Variants in GRID2IP observed in about 807,000 individuals in gnomAD.
GRID2IP encodes delphilin.
Under a neutral mutation model 114.3 loss-of-function variants are expected in GRID2IP, and 78 were observed. The observed-to-expected ratio is 0.68, with a 90% CI of 0.57 to 0.82. The LOEUF (loss-of-function observed/expected upper bound fraction) is 0.82. Among genes scored for constraint, GRID2IP ranks in the 40% least tolerant of loss-of-function variants. GRID2IP has a pLI of 0.00. For missense variants in GRID2IP, 1,727 were observed against 1,678.5 expected (o/e 1.03, Z -0.51); for synonymous variants, 809 against 724.0 (o/e 1.12, Z -1.89).
In GRID2IP at chr7:6,508,820, C is replaced by T; in HGVS notation, c.2127+138G>A. 7.4e-7 allele frequency: 1 copy of T among 1,348,834 alleles called. No homozygotes were observed. The highest frequency in any genetic ancestry group is 1.5e-5 in the South Asian group (1 of 66,668). 83.6% of individuals were successfully genotyped at this position (1,348,834 alleles called of 1,614,324 possible). On this transcript the variant is annotated intron_variant, in intron 12 of 21. Transcript: ENST00000457091. This position sits in a 1 kb window ranked among gnomAD's most constrained non-coding sequence, Gnocchi z 5.6. ...TAACCTGGGGCAAGGGGTGGGATAG[C>T]TTGAGCTAGGGAGTGGGATAGCCTG...
intron 7 of GRID2IP, among the ~76,000 whole-genome samples, chr7:6,517,220 A>ATT (rs370575922): frequency 6.8e-6 from 1 of 146,916 alleles, no homozygotes; most frequent in African/African-American, 2.5e-5. Flanking sequence ...ACGCCCGGCT[A>ATT]TTTTTTTTTT....
intron 7 of GRID2IP, among the ~76,000 whole-genome samples, chr7:6,517,718 C>T (rs758924598): frequency 6.6e-6 from 1 of 151,682 alleles, no homozygotes; most frequent in Non-Finnish European, 1.5e-5. Context: ...GCCTGGCCAA[C>T]ATGGTGAAAC....
In GRID2IP at chr7:6,551,144, G is replaced by C. The variant is rs573483780; in HGVS notation, c.293C>G (p.Pro98Arg). The change falls in exon 1 of 22, where the codon CCG becomes CGG. Residue 98 changes from proline (P) to arginine (R), a missense_variant. Transcript: ENST00000457091. The part of the protein sequence containing the change: ...GPGPGSGPAA[P>R]TTVLRAPRCG... ...CCGCGGGGCCCGCAAGACTGTGGTC[G>C]GGGCCGCGGGGCCGGATCCTGGGCC... 1.4e-4 allele frequency: 185 copies of C among 1,324,978 alleles called. No homozygotes were observed. The highest frequency in any genetic ancestry group is 1.9e-4 in the African/African-American group (12 of 64,180). 82.1% of individuals were successfully genotyped at this position (1,324,978 alleles called of 1,614,324 possible). A position where few individuals can be genotyped will look rare whatever the true frequency, so the allele number is the denominator to read the frequency against.
intron 2 of GRID2IP, among the ~76,000 whole-genome samples, chr7:6,529,618 A>C (rs1779578282): frequency 6.6e-6 from 1 of 152,162 alleles, no homozygotes; most frequent in African/African-American, 2.4e-5. Flanking sequence ...CTGGCCCTCC[A>C]TGCAGCTCAG....
At chr7:6,527,525 G>A (rs1779538283) in intron 2 of GRID2IP, among the ~76,000 whole-genome samples, 1 of 152,212 alleles carries the variant, frequency 6.6e-6, no homozygotes, top group South Asian at 2.1e-4. Context: ...TACCTTGGAA[G>A]TGAGAGGCAG....
intron 2 of GRID2IP, chr7:6,537,026 C>A (rs1262114813): frequency 1.2e-5 from 2 of 162,646 alleles, no homozygotes; most frequent in South Asian, 7.7e-5. Context: ...GGGCTGAGTC[C>A]GGGAAGAGGG....
chr7:6,541,015 A>C (rs1167739747), intron 1 of GRID2IP, among the ~76,000 whole-genome samples: 1 of 151,650 alleles, frequency 6.6e-6, no homozygotes, highest in Non-Finnish European at 1.5e-5. Flanking sequence ...CTGTTTTTTT[A>C]TAATCCCTCA....
chr7:6,513,172 G>A (rs1779212193), intron 8 of GRID2IP, among the ~76,000 whole-genome samples: 2 of 152,126 alleles, frequency 1.3e-5, no homozygotes, highest in South Asian at 2.1e-4. Flanking sequence ...GGATGTGGTC[G>A]TGTGCTCATG....
At chr7:6,550,605 G>T (rs1221656612) in intron 1 of GRID2IP, among the ~76,000 whole-genome samples, 1 of 144,126 alleles carries the variant, frequency 6.9e-6, no homozygotes, top group Non-Finnish European at 1.5e-5. Flanking sequence ...GAGGTCAGGA[G>T]TTTGAGACCA....
At chr7:6,531,304 G>A (rs977648457) in intron 2 of GRID2IP, 29 of 397,142 alleles carry the variant, frequency 7.3e-5, no homozygotes, top group African/African-American at 5.2e-4. Flanking sequence ...CTGCCCTGCT[G>A]GGACCCTTTT....
At chr7:6,500,755 C>G (rs1436563670) in intron 20 of GRID2IP, among the ~76,000 whole-genome samples, 1 of 152,248 alleles carries the variant, frequency 6.6e-6, no homozygotes, top group Non-Finnish European at 1.5e-5. Flanking sequence ...ACCCTGTGTT[C>G]CCTGCCAAGG....
intron 11 of GRID2IP, among the ~76,000 whole-genome samples, 162 bp downstream of exon 11, chr7:6,510,121 T>C (rs1444998755): frequency 6.6e-6 from 1 of 152,132 alleles, no homozygotes; most frequent in African/African-American, 2.4e-5. Flanking sequence ...CGACCCACGG[T>C]ACCCAGGCTA....
chr7:6,526,893 G>T lies in GRID2IP; in HGVS notation c.585-124C>A. On this transcript the variant is annotated intron_variant, in intron 2 of 21. Transcript: ENST00000457091. The surrounding 1 kb of genome is among the most constrained non-coding windows in gnomAD (Gnocchi z 7.6). ...CTCCCACCTCTTCCTAGGAGTGGCG[G>T]AGGGCTGGGGGGATCGGGATGAGCA... 1 of 1,121,712 alleles carries T rather than the reference G, an allele frequency of 8.9e-7. No homozygotes were observed. The highest frequency in any genetic ancestry group is 1.2e-6 in the Non-Finnish European group (1 of 853,460). The allele number at this position is 1,121,712 out of a possible 1,614,324, so 69.5% of individuals were successfully genotyped here.
In GRID2IP at chr7:6,521,713, G is replaced by A. The variant is rs576309679; in HGVS notation, c.989+175C>T. 6.6e-5 allele frequency among the ~76,000 whole-genome samples: 10 copies of A among 152,308 alleles called. No individual in the cohort carries two copies. In the South Asian group the frequency reaches 1.5e-3, roughly 22 times the overall value. ...AACTGAGGTCCTGGCTAGAGTTGGC[G>A]ACTGGCGAGGAGGAGGGTTAGATTC... On this transcript the variant is annotated intron_variant, in intron 5 of 21. Coordinates refer to ENST00000457091, the MANE Select transcript of GRID2IP (RefSeq NM_001145118.2). This position sits in a 1 kb window ranked among gnomAD's most constrained non-coding sequence, Gnocchi z 4.1.
At chr7:6,530,424 T>A (rs1199936299) in intron 2 of GRID2IP, among the ~76,000 whole-genome samples, 1 of 151,802 alleles carries the variant, frequency 6.6e-6, no homozygotes. Flanking sequence ...CCACCACACC[T>A]GGCTGGCTTT....
chr7:6,503,191 C>T (rs1786466848), intron 16 of GRID2IP, 28 bp from the exon 17 acceptor site: 7 of 1,481,062 alleles, frequency 4.7e-6, no homozygotes, highest in Non-Finnish European at 6.3e-6. Flanking sequence ...CCAGGATTCA[C>T]CCATCCCCTT....
intron 7 of GRID2IP, among the ~76,000 whole-genome samples, chr7:6,514,755 C>T (rs1779260156): frequency 6.6e-6 from 1 of 151,864 alleles, no homozygotes; most frequent in Non-Finnish European, 1.5e-5. Context: ...AGTTCGAGAC[C>T]AGCCCAGCCA....
At chr7:6,547,853 G>C (rs1414750775) in intron 1 of GRID2IP, among the ~76,000 whole-genome samples, 1 of 152,120 alleles carries the variant, frequency 6.6e-6, no homozygotes, top group Non-Finnish European at 1.5e-5. Flanking sequence ...GAGTGGGTGG[G>C]GACCTGATGC....
intron 4 of GRID2IP, among the ~76,000 whole-genome samples, chr7:6,525,374 C>A (rs370166892): frequency 6.6e-6 from 1 of 151,980 alleles, no homozygotes; most frequent in Admixed American, 6.6e-5. Flanking sequence ...GTACTCCCAG[C>A]GCTTTGGGAG....
Sources: gnomAD v4.1 joint callset for allele counts (sites outside exome capture counted in the v4.1 genomes callset) on GRCh38, gnomAD v4.1.1 for gene constraint, Gnocchi (gnomAD v3.1) non-coding constraint, MANE v1.5 for transcripts, NCBI Gene and HGNC (gene_info 2026-07-23, HGNC 2026-07-21) for gene names.